TAF1B: variants seen among roughly 807,000 people sequenced by gnomAD.
TAF1B encodes TATA-box binding protein associated factor, RNA polymerase I subunit B.
In TAF1B, 61 loss-of-function variants were observed where a neutral mutation model predicts 83.9. The ratio of observed to expected loss-of-function variants is 0.73; its 90% CI spans 0.59 to 0.90. The LOEUF (loss-of-function observed/expected upper bound fraction) is 0.90. Among genes scored for constraint, TAF1B ranks in the 40% least tolerant of loss-of-function variants. The probability of loss-of-function intolerance (pLI) is 0.00; values close to 1 mark genes in which losing one functional copy is unlikely to be tolerated. For synonymous variants in TAF1B, 221 were observed against 224.6 expected (o/e 0.98, Z 0.14); for missense variants, 625 against 677.0 (o/e 0.92, Z 0.85).
chr2:9,917,303 A>G (rs957058238), intron 12 of TAF1B, among the ~76,000 whole-genome samples: 14 of 152,242 alleles, frequency 9.2e-5, no homozygotes, highest in African/African-American at 3.4e-4. Flanking sequence ...TATTTGCTAA[A>G]TGATATTACT....
At chr2:9,931,388 G>T (rs2125187627) in intron 14 of TAF1B, among the ~76,000 whole-genome samples, 1 of 152,226 alleles carries the variant, frequency 6.6e-6, no homozygotes. Flanking sequence ...CTCAGCATTT[G>T]CTTGTCTGTA....
chr2:9,871,364 A>G (rs966653505), intron 6 of TAF1B, among the ~76,000 whole-genome samples: 8 of 151,996 alleles, frequency 5.3e-5, no homozygotes, highest in Admixed American at 3.9e-4. Flanking sequence ...TTGTAGGCGT[A>G]AGCTACTGTG....
At chr2:9,901,558 AT>A (rs1249958566) in intron 8 of TAF1B, among the ~76,000 whole-genome samples, 2 of 151,818 alleles carry the variant, frequency 1.3e-5, no homozygotes, top group East Asian at 3.9e-4. Context: ...TTTTTAGATG[AT>A]TTTTTTTCTA....
chr2:9,886,271 T>C (rs999711476), intron 8 of TAF1B, among the ~76,000 whole-genome samples: 2 of 152,254 alleles, frequency 1.3e-5, no homozygotes, highest in East Asian at 1.9e-4. Flanking sequence ...CTGTTAACTT[T>C]TGAATGTGTT....
At chr2:9,922,873 G>A (rs1665920162) in intron 14 of TAF1B, among the ~76,000 whole-genome samples, 1 of 152,158 alleles carries the variant, frequency 6.6e-6, no homozygotes, top group Non-Finnish European at 1.5e-5. Flanking sequence ...TATTTGATGT[G>A]TGTCACATAG....
chr2:9,863,914 A>G (rs891039282), intron 5 of TAF1B, among the ~76,000 whole-genome samples: 1 of 152,218 alleles, frequency 6.6e-6, no homozygotes, highest in Non-Finnish European at 1.5e-5. Flanking sequence ...ACAAAGACAC[A>G]ACATACCAGA....
intron 7 of TAF1B, 54 bp downstream of exon 7, chr2:9,876,072 G>C (rs1366905872): frequency 2.7e-6 from 4 of 1,483,058 alleles, no homozygotes; most frequent in Non-Finnish European, 3.6e-6. Flanking sequence ...CATGAACTAA[G>C]TAGACAAACT....
chr2:9,847,836 ATCTCTACATTTG>A (rs1341095660), intron 2 of TAF1B, among the ~76,000 whole-genome samples: 2 of 146,634 alleles, frequency 1.4e-5, no homozygotes, highest in African/African-American at 2.4e-5. Context: ...ATCACCAGTA[ATCTCTACATTTG>A]TCTCTTTTTT....
intron 8 of TAF1B, among the ~76,000 whole-genome samples, chr2:9,884,135 G>A (rs1664597463): frequency 6.6e-6 from 1 of 152,230 alleles, no homozygotes; most frequent in African/African-American, 2.4e-5. Context: ...AGTTCCAGGT[G>A]CCAGCATGAT....
chr2:9,881,989 T>A (rs1297170469), intron 7 of TAF1B, among the ~76,000 whole-genome samples: 1 of 152,084 alleles, frequency 6.6e-6, no homozygotes, highest in Non-Finnish European at 1.5e-5. Flanking sequence ...AAGGTAGACC[T>A]CCTTGAAGGA....
rs114542919 is a variant in TAF1B, at chr2:9,858,681, A to G, written c.399+4260A>G. Among the ~76,000 whole-genome samples, 1,024 of 152,274 alleles carry G rather than the reference A, an allele frequency of 6.7e-3. 18 individuals are homozygous for G. The highest frequency in any genetic ancestry group is 0.023 in the African/African-American group (942 of 41,554). On this transcript the variant is annotated intron_variant, in intron 5 of 14. Transcript: ENST00000263663. Reference sequence around the variant, plus strand: ...TCCCAAACCTCAGCCCTTGTCTTCTATGCACCCACAGGCCCATCGCCACGT... The same window carrying G: ...TCCCAAACCTCAGCCCTTGTCTTCTGTGCACCCACAGGCCCATCGCCACGT...
intron 10 of TAF1B, 108 bp downstream of exon 10, chr2:9,911,021 A>C: frequency 9.4e-7 from 1 of 1,066,314 alleles, no homozygotes; most frequent in Non-Finnish European, 1.3e-6. Context: ...AGCTAAAGAA[A>C]AAATTTGTAC....
At chr2:9,852,165 G>A (rs1242294525) in intron 4 of TAF1B, 1 of 389,092 alleles carries the variant, frequency 2.6e-6, no homozygotes, top group Non-Finnish European at 5.2e-6. Context: ...GAATTTCTGA[G>A]TTAGTATGTC....
At chr2:9,851,464 C>A in intron 3 of TAF1B, 77 bp from the exon 4 acceptor site, 24 of 1,146,710 alleles carry the variant, frequency 2.1e-5, no homozygotes, top group South Asian at 1.1e-4. Flanking sequence ...ATGTGTAAAA[C>A]ACAAATTGTA....
chr2:9,843,448 C>T (rs1663081396), upstream of TAF1B: 1 of 1,321,902 alleles, frequency 7.6e-7, no homozygotes, highest in Non-Finnish European at 9.8e-7. Flanking sequence ...GCGGATCTCG[C>T]GTTTCCGGCC....
At chr2:9,928,028 A>T (rs570172444) in intron 14 of TAF1B, among the ~76,000 whole-genome samples, 1 of 152,242 alleles carries the variant, frequency 6.6e-6, no homozygotes, top group South Asian at 2.1e-4. Context: ...TCCATCTTGA[A>T]TTAATTTTTG....
Position 9,855,934 on chromosome 2 carries a change from G to A in TAF1B, c.399+1513G>A, listed in dbSNP as rs375699224. 5.9e-5 allele frequency among the ~76,000 whole-genome samples: 9 copies of A among 152,274 alleles called. No homozygotes were observed. The South Asian group carries it at 6.2e-4, about 11-fold the overall frequency. On this transcript the variant is annotated intron_variant, in intron 5 of 14. Coordinates refer to ENST00000263663, the MANE Select transcript of TAF1B (RefSeq NM_005680.3). ...TGACTTTGTGCATATTGCTTGCACC[G>A]TAGTAAAGTCAAAACATCACAAGTA...
At chr2:9,929,665 C>CAAAAACACAA (rs1666153345) in intron 14 of TAF1B, among the ~76,000 whole-genome samples, 1 of 152,134 alleles carries the variant, frequency 6.6e-6, no homozygotes, top group East Asian at 1.9e-4. Context: ...TGTGTCTCTG[C>CAAAAACACAA]CAGGCTTTGG....
chr2:9,853,088 CATTTT>C (rs1205487867), intron 4 of TAF1B, among the ~76,000 whole-genome samples: 19 of 152,294 alleles, frequency 1.2e-4, no homozygotes, highest in African/African-American at 4.3e-4. Flanking sequence ...CTTACATAGT[CATTTT>C]ATGTATAAAT....
Sources: gnomAD v4.1 joint callset for allele counts (sites outside exome capture counted in the v4.1 genomes callset) on GRCh38, gnomAD v4.1.1 for gene constraint, MANE v1.5 for transcripts, NCBI Gene and HGNC (gene_info 2026-07-23, HGNC 2026-07-21) for gene names.